Variants in SLC2A13 observed in about 807,000 individuals in gnomAD.
The protein encoded by SLC2A13 is proton myo-inositol cotransporter.
Under a neutral mutation model 64.4 loss-of-function variants are expected in SLC2A13, and 32 were observed. The observed-to-expected ratio is 0.50, with a 90% confidence interval of 0.37 to 0.67. The LOEUF is 0.67. Among genes scored for constraint, SLC2A13 ranks in the 30% least tolerant of loss-of-function variants. SLC2A13 has a pLI of 0.00. For missense variants in SLC2A13, 743 were observed against 829.2 expected (o/e 0.90, Z 1.28); for synonymous variants, 338 against 327.1 (o/e 1.03, Z -0.36).
intron 7 of SLC2A13, among the ~76,000 whole-genome samples, chr12:39,814,619 C>G (rs1942286219): frequency 6.6e-6 from 1 of 152,114 alleles, no homozygotes. Context: ...TGGAAAAGCA[C>G]ATTTTAAAGA....
chr12:40,004,214 C>T (rs1419176790), intron 3 of SLC2A13, among the ~76,000 whole-genome samples: 1 of 151,872 alleles, frequency 6.6e-6, no homozygotes, highest in South Asian at 2.1e-4. Context: ...GATGGAGTTT[C>T]ACTCTTGTTG....
chr12:40,101,518 G>A (rs933269608), intron 1 of SLC2A13, among the ~76,000 whole-genome samples: 3 of 152,112 alleles, frequency 2.0e-5, no homozygotes, highest in Non-Finnish European at 2.9e-5. Flanking sequence ...TCAAAGACAT[G>A]AGAAGACTTA....
At chr12:39,899,324 G>T (rs1945019497) in intron 4 of SLC2A13, among the ~76,000 whole-genome samples, 1 of 152,110 alleles carries the variant, frequency 6.6e-6, no homozygotes, top group Non-Finnish European at 1.5e-5. Context: ...GATTGGTGGT[G>T]ATATCCCCTT....
intron 1 of SLC2A13, among the ~76,000 whole-genome samples, chr12:40,074,120 C>T (rs994762730): frequency 2.0e-5 from 3 of 151,086 alleles, no homozygotes; most frequent in Non-Finnish European, 4.4e-5. Context: ...CAAGCTTGGA[C>T]ATTCTTTCTT....
chr12:39,890,679 G>T (rs931922244), intron 4 of SLC2A13, among the ~76,000 whole-genome samples: 1 of 151,776 alleles, frequency 6.6e-6, no homozygotes, highest in African/African-American at 2.4e-5. Flanking sequence ...GAAACATCAC[G>T]TTGTACTCCA....
chr12:39,823,894 T>A (rs1348890215), intron 7 of SLC2A13, among the ~76,000 whole-genome samples: 1 of 152,224 alleles, frequency 6.6e-6, no homozygotes, highest in Non-Finnish European at 1.5e-5. Context: ...TTAAAATCTT[T>A]GTGTTAATGT....
chr12:40,035,668 G>A (rs1384108708), intron 2 of SLC2A13, among the ~76,000 whole-genome samples: 2 of 152,128 alleles, frequency 1.3e-5, no homozygotes, highest in Middle Eastern at 3.2e-3. Flanking sequence ...GTGTTACCTC[G>A]AGAAAGATTC....
At chr12:39,848,458 C>G (rs916866227) in intron 6 of SLC2A13, among the ~76,000 whole-genome samples, 1 of 152,084 alleles carries the variant, frequency 6.6e-6, no homozygotes, top group African/African-American at 2.4e-5. Context: ...AAATGCAAAT[C>G]AAAACCACAA....
chr12:40,023,335 C>T (rs1270784835), intron 3 of SLC2A13, among the ~76,000 whole-genome samples: 2 of 152,162 alleles, frequency 1.3e-5, no homozygotes, highest in Non-Finnish European at 2.9e-5. Flanking sequence ...CTAAGACCTC[C>T]CAGAAACTGT....
At chr12:40,037,471 TTGCCGGGTGTGGTTGCATG>T (rs569898650) in intron 2 of SLC2A13, among the ~76,000 whole-genome samples, 65 of 151,632 alleles carry the variant, frequency 4.3e-4, no homozygotes, top group Non-Finnish European at 7.8e-4. Flanking sequence ...ATACAAAAAT[TTGCCGGGTGTGGTTGCATG>T]TGCCTGTGGT....
At chr12:40,038,217 C>T (rs1948022013) in intron 2 of SLC2A13, among the ~76,000 whole-genome samples, 1 of 152,138 alleles carries the variant, frequency 6.6e-6, no homozygotes. Flanking sequence ...AAGCTATTTT[C>T]CAATTTTCCT....
intron 4 of SLC2A13, among the ~76,000 whole-genome samples, chr12:39,936,618 C>A (rs560651540): frequency 6.6e-6 from 1 of 152,076 alleles, no homozygotes; most frequent in Non-Finnish European, 1.5e-5. Context: ...CAAGGCCTGA[C>A]AGAAAATGGA....
At chr12:39,879,656 T>C (rs1427933321) in intron 4 of SLC2A13, among the ~76,000 whole-genome samples, 2 of 152,246 alleles carry the variant, frequency 1.3e-5, no homozygotes, top group Non-Finnish European at 2.9e-5. Context: ...CCAATGCCTA[T>C]ACCCCCAGTG....
intron 1 of SLC2A13, among the ~76,000 whole-genome samples, chr12:40,090,189 T>C (rs1202437971): frequency 6.6e-6 from 1 of 152,184 alleles, no homozygotes; most frequent in South Asian, 2.1e-4. Context: ...ATTAGTTTAA[T>C]AAGGCATATT....
intron 3 of SLC2A13, among the ~76,000 whole-genome samples, chr12:40,007,580 G>T (rs971393674): frequency 1.3e-5 from 2 of 152,088 alleles, no homozygotes; most frequent in African/African-American, 4.8e-5. Flanking sequence ...AATGATGATG[G>T]AAAAGGGTAT....
In SLC2A13 at chr12:39,789,052, A is replaced by G. The variant is rs542504076; in HGVS notation, c.1446-24194T>C. The stretch of plus-strand genomic sequence containing the variant: ...ACATACAAAGAAGTTATCTATGTAC[A>G]CTTTAAAGAATGATAATAAGATAAT... On this transcript the variant is annotated intron_variant, in intron 7 of 9. Coordinates refer to ENST00000280871, the MANE Select transcript of SLC2A13 (RefSeq NM_052885.4). Among the ~76,000 whole-genome samples, 8 of 152,252 alleles carry G rather than the reference A, an allele frequency of 5.3e-5. No homozygotes were observed. In the East Asian group the frequency reaches 1.5e-3, roughly 29 times the overall value.
At chr12:40,056,470 G>T (rs1948335404) in intron 1 of SLC2A13, among the ~76,000 whole-genome samples, 1 of 152,156 alleles carries the variant, frequency 6.6e-6, no homozygotes, top group Non-Finnish European at 1.5e-5. Flanking sequence ...GAAGCAGTAT[G>T]CATTTCCACC....
At chr12:39,803,513 T>C (rs1281347409) in intron 7 of SLC2A13, among the ~76,000 whole-genome samples, 1 of 152,042 alleles carries the variant, frequency 6.6e-6, no homozygotes, top group East Asian at 1.9e-4. Flanking sequence ...ACCTTCAGAT[T>C]TAAAAAGATA....
chr12:39,854,607 C>A (rs1270766092), intron 6 of SLC2A13, among the ~76,000 whole-genome samples: 1 of 152,150 alleles, frequency 6.6e-6, no homozygotes, highest in Non-Finnish European at 1.5e-5. Context: ...AGACTCTTCT[C>A]CCTCCAATCT....
Sources: gnomAD v4.1 joint callset for allele counts (sites outside exome capture counted in the v4.1 genomes callset) on GRCh38, gnomAD v4.1.1 for gene constraint, MANE v1.5 for transcripts, NCBI Gene and HGNC (gene_info 2026-07-23, HGNC 2026-07-21) for gene names.